The following CUX1 variants were observed in gnomAD, a reference collection of about 807,000 sequenced individuals.
CUX1 encodes protein CASP.
CUX1 carries 31 observed loss-of-function variants against 158.8 expected under a neutral mutation model. The ratio of observed to expected loss-of-function variants is 0.20; its 90% CI spans 0.15 to 0.26. The LOEUF is 0.26. CUX1 is among the 10% of genes least tolerant of loss of function. The pLI is 1.00. For synonymous variants in CUX1, 879 were observed against 862.1 expected (o/e 1.02, Z -0.34); for missense variants, 1,589 against 2,014.6 (o/e 0.79, Z 4.04).
intron 4 of CUX1, among the ~76,000 whole-genome samples, chr7:102,080,429 G>A (rs1373888566): frequency 6.6e-6 from 1 of 152,172 alleles, no homozygotes; most frequent in Admixed American, 6.5e-5. Flanking sequence ...GTAATCGTAT[G>A]ATTACATTAG....
At chr7:101,832,323 GA>G (rs1339475988) in intron 1 of CUX1, among the ~76,000 whole-genome samples, 1 of 152,150 alleles carries the variant, frequency 6.6e-6, no homozygotes, top group African/African-American at 2.4e-5. Context: ...AGAGGGGTGC[GA>G]AAAACTGAGG....
In CUX1 at chr7:102,256,782, G is replaced by A. The variant is rs117549946; in HGVS notation, c.*7740G>A. 370 of 985,460 alleles carry A rather than the reference G, an allele frequency of 3.8e-4. No homozygotes were observed. The African/African-American group carries it at 5.9e-3, about 16-fold the overall frequency. The allele number at this position is 985,460 out of a possible 1,614,324, so 61.0% of individuals were successfully genotyped here. A position where few individuals can be genotyped will look rare whatever the true frequency, so the allele number is the denominator to read the frequency against. ...TCGGCGAGCCGTGGTCAGAGAGGGC[G>A]CGGTGGCCTGGCCAAGACTTTACCT... is the stretch of plus-strand genomic sequence containing the variant. On this transcript the variant is annotated 3_prime_UTR_variant, in exon 24 of 24. Coordinates refer to ENST00000292535, the MANE Select transcript of CUX1 (RefSeq NM_181552.4).
At chr7:102,177,256 A>G (rs1792476541) in intron 10 of CUX1, among the ~76,000 whole-genome samples, 1 of 151,954 alleles carries the variant, frequency 6.6e-6, no homozygotes, top group Non-Finnish European at 1.5e-5. Flanking sequence ...TCTACTAAAA[A>G]TACAAAAATG....
chr7:102,149,343 G>A (rs542243389), intron 8 of CUX1, among the ~76,000 whole-genome samples: 2 of 152,252 alleles, frequency 1.3e-5, no homozygotes, highest in African/African-American at 4.8e-5. Context: ...GTGCTGAATC[G>A]CTGGTGGCTG....
intron 2 of CUX1, among the ~76,000 whole-genome samples, chr7:102,000,992 G>T (rs562238613): frequency 6.6e-6 from 1 of 152,212 alleles, no homozygotes; most frequent in African/African-American, 2.4e-5. Flanking sequence ...TGCCCAGGCT[G>T]GTCTTGAACT....
chr7:101,985,282 G>T, intron 2 of CUX1, among the ~76,000 whole-genome samples: 1 of 152,218 alleles, frequency 6.6e-6, no homozygotes, highest in East Asian at 1.9e-4. Flanking sequence ...GAGGGGGGTC[G>T]TGCGGGGAGA....
At chr7:102,005,420 G>A (rs184941765) in intron 2 of CUX1, among the ~76,000 whole-genome samples, 121 of 152,270 alleles carry the variant, frequency 7.9e-4, no homozygotes, top group African/African-American at 2.7e-3. Context: ...CTGCAGCCTC[G>A]AGCTCCTGGG....
intron 9 of CUX1, among the ~76,000 whole-genome samples, chr7:102,163,899 G>A (rs1226735749): frequency 6.6e-6 from 1 of 152,168 alleles, no homozygotes; most frequent in Non-Finnish European, 1.5e-5. Context: ...GACCTGAAGT[G>A]CTCGTTTATT....
chr7:101,956,192 A>C (rs1809766229), intron 2 of CUX1, among the ~76,000 whole-genome samples: 1 of 150,618 alleles, frequency 6.6e-6, no homozygotes, highest in Non-Finnish European at 1.5e-5. Context: ...CAAAACATTC[A>C]GCGTGGCCGG....
At position 101,921,721 on chromosome 7, in the gene CUX1, C is replaced by T. The variant is rs1251000437; in HGVS notation, c.141+5496C>T. Among the ~76,000 whole-genome samples, 4 of 152,130 alleles carry T rather than the reference C, an allele frequency of 2.6e-5. No individual in the cohort carries two copies. In the South Asian group the frequency reaches 6.2e-4, roughly 24 times the overall value. ...AGGTGATCCACCCGCCTCGGCCTCC[C>T]GAAGTGCCAAGTGGCATGAGTCACC... is the stretch of plus-strand genomic sequence containing the variant. On this transcript the variant is annotated intron_variant, in intron 2 of 23. Coordinates refer to ENST00000292535, the MANE Select transcript of CUX1 (RefSeq NM_181552.4).
chr7:102,168,938 C>CTTTTTTTTTTTTTTTTTTTTTTT (rs782482609), intron 9 of CUX1, among the ~76,000 whole-genome samples: 2 of 52,682 alleles, frequency 3.8e-5, no homozygotes, highest in Non-Finnish European at 7.4e-5. Flanking sequence ...CTTTTATTTT[C>CTTTTTTTTTTTTTTTTTTTTTTT]TTTTTTTTTT....
chr7:102,268,463 C>T (rs1371210397), intron 14 of CUX1, among the ~76,000 whole-genome samples: 1 of 152,144 alleles, frequency 6.6e-6, no homozygotes, highest in Non-Finnish European at 1.5e-5. Context: ...CTCCTGCTGT[C>T]TCCCCTGCCT....
chr7:102,125,632 TGGA>T (rs1832545955), intron 8 of CUX1: 1 of 141,540 alleles, frequency 7.1e-6, no homozygotes, highest in African/African-American at 2.7e-5. Context: ...GTCCTTCCTG[TGGA>T]ATACTCCCGA....
chr7:102,234,757 T>TAAA (rs34652160), intron 22 of CUX1, among the ~76,000 whole-genome samples: 9 of 109,568 alleles, frequency 8.2e-5, no homozygotes, highest in East Asian at 3.0e-4. Flanking sequence ...CCCTCACTAC[T>TAAA]AAAAAAAAAA....
intron 2 of CUX1, chr7:101,932,551 T>C (rs111970522): frequency 2.0e-5 from 9 of 454,714 alleles, no homozygotes; most frequent in African/African-American, 4.0e-5. Context: ...TGACCATTTG[T>C]GAAACCATCA....
chr7:102,060,034 G>T (rs1204570698), intron 3 of CUX1, among the ~76,000 whole-genome samples: 2 of 152,096 alleles, frequency 1.3e-5, no homozygotes, highest in Admixed American at 1.3e-4. Flanking sequence ...CCAGCACTTT[G>T]GGAGGCCGAG....
At position 102,204,388 on chromosome 7, in the gene CUX1, C is replaced by T. The variant is rs907415086; in HGVS notation, c.2908-3C>T. On this transcript the variant is annotated splice_region_variant and splice_polypyrimidine_tract_variant and intron_variant, in intron 18 of 23. Transcript: ENST00000292535. ...ATGGCCTGTGTGTTCGGTGCCACTC[C>T]AGGTGCTGGGCCTGTCCCAGGGCAG... 6.2e-7 allele frequency: 1 copy of T among 1,613,210 alleles called. No individual in the cohort carries two copies. Among genetic ancestry groups the T allele is most frequent in the East Asian group, 2.2e-5 (1 of 44,886 alleles).
intron 2 of CUX1, among the ~76,000 whole-genome samples, chr7:101,921,575 C>T (rs1035354889): frequency 6.6e-6 from 1 of 152,052 alleles, no homozygotes; most frequent in Non-Finnish European, 1.5e-5. Context: ...ATTGTCTTGC[C>T]TTAGCCTTCT....
chr7:102,183,447 A>T (rs1483825114), intron 11 of CUX1, among the ~76,000 whole-genome samples: 1 of 151,498 alleles, frequency 6.6e-6, no homozygotes, highest in East Asian at 1.9e-4. Flanking sequence ...GGAGATTTGG[A>T]CTCACCGTCC....
Sources: gnomAD v4.1 joint callset for allele counts (sites outside exome capture counted in the v4.1 genomes callset) on GRCh38, gnomAD v4.1.1 for gene constraint, MANE v1.5 for transcripts, NCBI Gene and HGNC (gene_info 2026-07-23, HGNC 2026-07-21) for gene names.